The following SELP variants were observed in gnomAD, a reference collection of about 807,000 sequenced individuals.
SELP encodes the protein P-selectin.
Under a neutral mutation model 104.1 loss-of-function variants are expected in SELP, and 92 were observed. The ratio of observed to expected loss-of-function variants is 0.88; its 90% CI spans 0.75 to 1.05. The LOEUF (loss-of-function observed/expected upper bound fraction) is 1.05. Among genes scored for constraint, SELP ranks in the 50% least tolerant of loss-of-function variants. The pLI is 0.00. For missense variants in SELP, 1,022 were observed against 1,017.3 expected (o/e 1.00, Z -0.06); for synonymous variants, 397 against 364.5 (o/e 1.09, Z -1.01).
chr1:169,593,774 A>C, intron 13 of SELP, 50 bp from the exon 14 acceptor site: 1 of 1,595,598 alleles, frequency 6.3e-7, no homozygotes, highest in East Asian at 2.3e-5. Flanking sequence ...GTATTATGCA[A>C]AAGACTAGTC....
At chr1:169,620,379 CT>C (rs10603647) in intron 1 of SELP, among the ~76,000 whole-genome samples, 9,639 of 130,186 alleles carry the variant, frequency 0.074, 411 homozygotes, top group East Asian at 0.21. Flanking sequence ...TTCCACTGTA[CT>C]TTTTTTTTTT....
chr1:169,602,715 G>T (rs1183863785), intron 10 of SELP, among the ~76,000 whole-genome samples: 1 of 152,068 alleles, frequency 6.6e-6, no homozygotes, highest in Non-Finnish European at 1.5e-5. Flanking sequence ...GGGTTCAAGC[G>T]ATTCTCCTGC....
At chr1:169,598,955 C>T (rs1238710347) in intron 10 of SELP, among the ~76,000 whole-genome samples, 4 of 152,292 alleles carry the variant, frequency 2.6e-5, no homozygotes, top group South Asian at 2.1e-4. Context: ...AGAACTACTA[C>T]AGCATTAAAT....
intron 8 of SELP, 65 bp from the exon 9 acceptor site, chr1:169,607,199 A>T: frequency 7.5e-7 from 1 of 1,336,128 alleles, no homozygotes; most frequent in East Asian, 2.6e-5. Flanking sequence ...ATTTTTGACC[A>T]TTAACTCTTT....
chr1:169,628,303 C>A (rs1663476496), intron 1 of SELP, among the ~76,000 whole-genome samples: 1 of 152,216 alleles, frequency 6.6e-6, no homozygotes, highest in African/African-American at 2.4e-5. Flanking sequence ...ACCAGAAAAA[C>A]CTTATCCTCA....
intron 9 of SELP, 72 bp downstream of exon 9, chr1:169,606,877 C>T (rs983954093): frequency 5.1e-6 from 7 of 1,367,318 alleles, no homozygotes; most frequent in Non-Finnish European, 3.1e-6. Context: ...ATAGTTGTCA[C>T]CTCTAAAATC....
chr1:169,603,348 T>TGTGTGTGTGA (rs1311239001), intron 9 of SELP, 137 bp from the exon 10 acceptor site: 2 of 639,964 alleles, frequency 3.1e-6, no homozygotes, highest in Non-Finnish European at 4.9e-6. Context: ...TGTGTGTGTG[T>TGTGTGTGTGA]GATTAATATA....
chr1:169,590,553 A>C (rs3917848), intron 15 of SELP, among the ~76,000 whole-genome samples: 16,087 of 145,580 alleles, frequency 0.11, 1,089 homozygotes, highest in African/African-American at 0.19. Flanking sequence ...GTGCAATATG[A>C]CCCCTAGGGG....
intron 14 of SELP, among the ~76,000 whole-genome samples, chr1:169,593,318 A>G (rs1322943288): frequency 6.6e-6 from 1 of 152,206 alleles, no homozygotes; most frequent in East Asian, 1.9e-4. Context: ...ACTGCAAAGT[A>G]GCCTCATTTG....
Position 169,609,519 on chromosome 1 carries a change from CT to C in SELP, c.1317del (p.Ala440ProfsTer20), listed in dbSNP as rs967042602. ...GTTACAGTACCTTGACAGACTGGGG[CT>C]GGTGCTGTCCACTGTCCCAAGTTAT... ...RCDNLGQWTA[P>X]APVCQALQCQ... On this transcript the variant is annotated frameshift_variant, in exon 8 of 17. Transcript: ENST00000263686. LOFTEE classifies it high-confidence loss of function. 22 of 1,612,962 alleles carry C rather than the reference CT, an allele frequency of 1.4e-5. No homozygotes were observed. The highest frequency in any genetic ancestry group is 1.6e-5 in the Non-Finnish European group (19 of 1,179,464).
chr1:169,598,922 G>A (rs554877564), intron 10 of SELP, among the ~76,000 whole-genome samples: 7 of 152,250 alleles, frequency 4.6e-5, no homozygotes, highest in Non-Finnish European at 7.4e-5. Context: ...AAAATTAACC[G>A]AAGGGGGCCC....
At chr1:169,612,468 T>C in intron 5 of SELP, 66 bp from the exon 6 acceptor site, 1 of 1,514,090 alleles carries the variant, frequency 6.6e-7, no homozygotes, top group Non-Finnish European at 9.1e-7. Flanking sequence ...CTTGGAAGCC[T>C]TCAAATTCTG....
At chr1:169,597,237 C>T in intron 10 of SELP, 61 bp from the exon 11 acceptor site, 5 of 1,419,912 alleles carry the variant, frequency 3.5e-6, no homozygotes, top group East Asian at 2.3e-5. Context: ...CTGTGTTACA[C>T]AAAGTTCATT....
In SELP at chr1:169,612,318, C is replaced by A; in HGVS notation, c.860G>T (p.Ser287Ile). Reference protein sequence around the residue: ...HSAKAFQHQSSCSFSCEEGFA... With the variant: ...HSAKAFQHQSICSFSCEEGFA... ...TCCCTCTTCACAACTGAAGCTGCAGCTAGACTGATGCTGGAATGCTTTTGC... is the reference window on the plus strand; with the variant it reads ...TCCCTCTTCACAACTGAAGCTGCAGATAGACTGATGCTGGAATGCTTTTGC... Residue 287 changes from serine (S) to isoleucine (I), a missense_variant, in exon 6 of 17, where the codon AGC becomes ATC. Physicochemically the swap from Ser to Ile is moderately radical, Grantham distance 142 (BLOSUM62 -2). Transcript: ENST00000263686. The A allele has an allele frequency of 6.2e-7, 1 of 1,614,122 alleles. No homozygotes were observed. Among genetic ancestry groups the A allele is most frequent in the Non-Finnish European group, 8.5e-7 (1 of 1,180,010 alleles).
chr1:169,628,746 A>G (rs1663496042), intron 1 of SELP, among the ~76,000 whole-genome samples: 2 of 152,250 alleles, frequency 1.3e-5, no homozygotes, highest in Admixed American at 6.5e-5. Context: ...TGCCAAGGAG[A>G]GTAGAAGGAA....
chr1:169,617,859 T>G (rs1004433538), intron 2 of SELP, among the ~76,000 whole-genome samples: 1 of 152,214 alleles, frequency 6.6e-6, no homozygotes, highest in Non-Finnish European at 1.5e-5. Context: ...TGGTCCAGCC[T>G]CATTGCCCAC....
At chr1:169,592,242 A>G (rs748372634) in intron 14 of SELP, among the ~76,000 whole-genome samples, 9 of 152,168 alleles carry the variant, frequency 5.9e-5, no homozygotes, top group Non-Finnish European at 1.0e-4. Flanking sequence ...ACCTTTGTCT[A>G]TTGTCTTAGC....
chr1:169,621,777 C>A (rs1663148226), intron 1 of SELP, among the ~76,000 whole-genome samples: 1 of 152,168 alleles, frequency 6.6e-6, no homozygotes. Flanking sequence ...CTGAGAGTAT[C>A]ATAACGTTAT....
intron 9 of SELP, among the ~76,000 whole-genome samples, chr1:169,605,058 G>A (rs113368628): frequency 5.5e-4 from 84 of 152,320 alleles, no homozygotes; most frequent in Middle Eastern, 6.8e-3. Flanking sequence ...ACAGGAAGCC[G>A]TGGTGAGTGG....
Sources: gnomAD v4.1 joint callset for allele counts (sites outside exome capture counted in the v4.1 genomes callset) on GRCh38, gnomAD v4.1.1 for gene constraint, MANE v1.5 for transcripts, NCBI Gene and HGNC (gene_info 2026-07-23, HGNC 2026-07-21) for gene names.